The following LHX8 variants were observed in gnomAD, a reference collection of about 807,000 sequenced individuals.
LHX8 encodes the protein LIM/homeobox protein Lhx8.
Under a neutral mutation model 40.3 loss-of-function variants are expected in LHX8, and 12 were observed. The ratio of observed to expected loss-of-function variants is 0.30; its 90% CI spans 0.19 to 0.48. The LOEUF is 0.48. Among genes scored for constraint, LHX8 ranks in the 20% least tolerant of loss-of-function variants. The pLI is 0.99. For synonymous variants in LHX8, 179 were observed against 162.0 expected, an observed-to-expected ratio of 1.10 and a Z score of -0.80; for missense variants, 344 against 433.7, an observed-to-expected ratio of 0.79 and a Z score of 1.84.
chr1:75,141,155 C>T, intron 4 of LHX8, 49 bp downstream of exon 4: 4 of 1,591,918 alleles, frequency 2.5e-6, no homozygotes, highest in Non-Finnish European at 3.4e-6. Context: ...AATTATTATG[C>T]AAAGAGACTT....
At chr1:75,145,484 T>G (rs549375401) in intron 6 of LHX8, among the ~76,000 whole-genome samples, 1 of 152,284 alleles carries the variant, frequency 6.6e-6, no homozygotes, top group East Asian at 1.9e-4. Flanking sequence ...TTACAAATAC[T>G]AATTAAATAA....
chr1:75,156,448 G>A (rs1570305198), intron 7 of LHX8, among the ~76,000 whole-genome samples: 2 of 151,974 alleles, frequency 1.3e-5, no homozygotes, highest in East Asian at 1.9e-4. Flanking sequence ...TACCATGTTG[G>A]CCAGGCTGGT....
chr1:75,139,053 A>G (rs765042963), intron 3 of LHX8, among the ~76,000 whole-genome samples: 1 of 152,174 alleles, frequency 6.6e-6, no homozygotes, highest in Non-Finnish European at 1.5e-5. Context: ...ACTGATTTAA[A>G]AAAAAAAGTT....
chr1:75,130,593 G>T, upstream of LHX8: 1 of 913,706 alleles, frequency 1.1e-6, no homozygotes, highest in Non-Finnish European at 1.8e-6. Flanking sequence ...ACCTCCACTG[G>T]CGTGAATAAA....
rs766660903 is a variant in LHX8 at position 75,155,995 on chromosome 1, GTC to G, written c.781-896_781-895del. ...CAGGTGCCTAAGAATACATTTAGTA[GTC>G]TTTTTTTTTTTTTTTTTAAGTTCTG... On this transcript the variant is annotated intron_variant, in intron 7 of 8. Transcript: ENST00000356261. Among the ~76,000 whole-genome samples the G allele has an allele frequency of 7.3e-3, 1,051 of 144,608 alleles. 10 individuals are homozygous for G. Among genetic ancestry groups the G allele is most frequent in the Non-Finnish European group, 0.011 (744 of 65,290 alleles). The allele number at this position is 144,608 out of a possible 152,430, so 94.9% of individuals were successfully genotyped here. A position where few individuals can be genotyped will look rare whatever the true frequency, so the allele number is the denominator to read the frequency against.
chr1:75,171,873 T>A, the LHX8 span, among the ~76,000 whole-genome samples: 30 of 152,226 alleles, frequency 2.0e-4, no homozygotes, highest in Admixed American at 8.5e-4. Context: ...GGTAAGTCTG[T>A]GGCTTTGCTA....
downstream of LHX8, among the ~76,000 whole-genome samples, chr1:75,163,192 A>G (rs1264121021): frequency 1.3e-5 from 2 of 152,198 alleles, no homozygotes; most frequent in South Asian, 2.1e-4. Context: ...GTTGTAAATT[A>G]TAAGTACACC....
the LHX8 span, among the ~76,000 whole-genome samples, chr1:75,167,148 A>G: frequency 1.3e-5 from 2 of 152,228 alleles, no homozygotes; most frequent in South Asian, 4.1e-4. Flanking sequence ...AAGCTACATT[A>G]CAGACAACAT....
the LHX8 span, among the ~76,000 whole-genome samples, chr1:75,167,516 G>T: frequency 6.6e-6 from 1 of 151,920 alleles, no homozygotes; most frequent in Non-Finnish European, 1.5e-5. Context: ...CATCATCCAG[G>T]ACCAAGCTCA....
chr1:75,169,305 G>T, the LHX8 span, among the ~76,000 whole-genome samples: 1 of 152,136 alleles, frequency 6.6e-6, no homozygotes, highest in Non-Finnish European at 1.5e-5. Context: ...TGGCTGCATG[G>T]CCTTGTTGCT....
the LHX8 span, among the ~76,000 whole-genome samples, chr1:75,190,504 C>T: frequency 6.6e-6 from 1 of 152,118 alleles, no homozygotes; most frequent in Non-Finnish European, 1.5e-5. Flanking sequence ...TTTGTTTTCA[C>T]AAGATTGTTT....
At chr1:75,137,694 A>G (rs1648193638) in intron 3 of LHX8, among the ~76,000 whole-genome samples, 1 of 152,208 alleles carries the variant, frequency 6.6e-6, no homozygotes, top group Non-Finnish European at 1.5e-5. Flanking sequence ...GCCCACGCCC[A>G]TGACTGCTTA....
the LHX8 span, among the ~76,000 whole-genome samples, chr1:75,177,867 G>A: frequency 6.6e-6 from 1 of 152,188 alleles, no homozygotes; most frequent in South Asian, 2.1e-4. Flanking sequence ...CTAGTTTATT[G>A]AGAGTTTTTA....
Position 75,136,692 on chromosome 1 carries a change from G to A in LHX8, c.75+3G>A. On this transcript the variant is annotated splice_donor_region_variant and intron_variant, in intron 2 of 8. Transcript: ENST00000356261. The stretch of plus-strand genomic sequence containing the variant: ...AAGGCGCCGGGGAAGAGGGACTGGT[G>A]AGTGCGGAGGGGCTCGCGTGCTGGC... 2 of 1,544,070 alleles carry A rather than the reference G, an allele frequency of 1.3e-6. No individual in the cohort carries two copies. The highest frequency in any genetic ancestry group is 8.7e-7 in the Non-Finnish European group (1 of 1,146,364).
chr1:75,140,828 A>G (rs925177494), intron 3 of LHX8, among the ~76,000 whole-genome samples, 157 bp from the exon 4 acceptor site: 5 of 152,222 alleles, frequency 3.3e-5, no homozygotes, highest in Non-Finnish European at 7.3e-5. Flanking sequence ...ATGTTTACAA[A>G]AATGACATCT....
chr1:75,133,252 T>G (rs1648020997), upstream of LHX8, among the ~76,000 whole-genome samples: 1 of 152,140 alleles, frequency 6.6e-6, no homozygotes, highest in African/African-American at 2.4e-5. Context: ...AAAAATGCAA[T>G]GGAGGAAAAA....
At chr1:75,149,815 G>A (rs1438572662) in intron 7 of LHX8, among the ~76,000 whole-genome samples, 3 of 152,128 alleles carry the variant, frequency 2.0e-5, no homozygotes, top group Non-Finnish European at 2.9e-5. Flanking sequence ...CCAAAGTGCT[G>A]GAATTATTGG....
intron 3 of LHX8, 72 bp from the exon 4 acceptor site, chr1:75,140,913 T>C: frequency 1.3e-6 from 2 of 1,503,366 alleles, no homozygotes; most frequent in East Asian, 4.5e-5. Context: ...GTTTTTTAAA[T>C]TGCCCAATAC....
intron 7 of LHX8, among the ~76,000 whole-genome samples, chr1:75,156,269 T>A (rs2100360575): frequency 6.6e-6 from 1 of 152,130 alleles, no homozygotes; most frequent in East Asian, 1.9e-4. Context: ...TGAGACAGAG[T>A]CTTGCTATGT....
Sources: gnomAD v4.1 joint callset for allele counts (sites outside exome capture counted in the v4.1 genomes callset) on GRCh38, gnomAD v4.1.1 for gene constraint, MANE v1.5 for transcripts, NCBI Gene and HGNC (gene_info 2026-07-23, HGNC 2026-07-21) for gene names.